METTL15: variants seen among roughly 807,000 people sequenced by gnomAD.
METTL15 encodes the protein methyltransferase 15, mitochondrial 12S rRNA N4-cytidine.
In METTL15, 34 loss-of-function variants were observed where a neutral mutation model predicts 38.3. The ratio of observed to expected loss-of-function variants is 0.89; its 90% CI spans 0.68 to 1.18. The LOEUF is 1.18. METTL15 is among the 50% of genes most tolerant of loss of function. The pLI is 0.00. For synonymous variants in METTL15, 162 were observed against 170.9 expected, an observed-to-expected ratio of 0.95 and a Z score of 0.41; for missense variants, 438 against 498.4, an observed-to-expected ratio of 0.88 and a Z score of 1.15.
chr11:28,351,542 G>A (rs1470952434), intron 3 of METTL15, among the ~76,000 whole-genome samples: 1 of 152,198 alleles, frequency 6.6e-6, no homozygotes, highest in African/African-American at 2.4e-5. Flanking sequence ...AAGTCAATGA[G>A]TTAATTCATG....
intron 4 of METTL15, among the ~76,000 whole-genome samples, chr11:28,246,361 G>C (rs1854512657): frequency 6.6e-6 from 1 of 152,000 alleles, no homozygotes; most frequent in Admixed American, 6.6e-5. Flanking sequence ...TCAAGTGACT[G>C]CTCAAAATTG....
chr11:28,127,259 T>C (rs1852529568), intron 3 of METTL15, among the ~76,000 whole-genome samples: 1 of 152,084 alleles, frequency 6.6e-6, no homozygotes. Context: ...TGGAGAAGAA[T>C]GGGCAGATTT....
chr11:28,115,995 A>C (rs1851938264), intron 3 of METTL15, among the ~76,000 whole-genome samples: 1 of 151,604 alleles, frequency 6.6e-6, no homozygotes, highest in South Asian at 2.1e-4. Flanking sequence ...TTACCAGTGC[A>C]CCACAATCTC....
chr11:28,363,414 C>T (rs1419781723), intron 5 of METTL15, among the ~76,000 whole-genome samples: 1 of 152,120 alleles, frequency 6.6e-6, no homozygotes, highest in Non-Finnish European at 1.5e-5. Context: ...ATCCGTGATC[C>T]ACCCGCCTTG....
chr11:28,505,598 ATTGT>A (rs1193456110), intron 6 of METTL15, among the ~76,000 whole-genome samples: 5 of 152,170 alleles, frequency 3.3e-5, no homozygotes, highest in Admixed American at 1.3e-4. Context: ...CCTTTTGGTA[ATTGT>A]TTGTGTATGT....
At chr11:28,312,443 A>G (rs930457956) in intron 6 of METTL15, among the ~76,000 whole-genome samples, 2 of 152,194 alleles carry the variant, frequency 1.3e-5, no homozygotes, top group African/African-American at 4.8e-5. Flanking sequence ...TGTAGCTGTG[A>G]ATGATAATCT....
At chr11:28,283,873 T>A (rs1856152550) in intron 4 of METTL15, among the ~76,000 whole-genome samples, 1 of 151,740 alleles carries the variant, frequency 6.6e-6, no homozygotes, top group Non-Finnish European at 1.5e-5. Flanking sequence ...ACTTGTAAAA[T>A]GCACATGCAA....
intron 6 of METTL15, among the ~76,000 whole-genome samples, chr11:28,311,919 A>T (rs186237358): frequency 6.1e-4 from 93 of 152,350 alleles, no homozygotes; most frequent in African/African-American, 2.2e-3. Flanking sequence ...CTTTGAAGGG[A>T]TGGCTAAGAT....
intron 4 of METTL15, among the ~76,000 whole-genome samples, chr11:28,356,488 A>C (rs957867622): frequency 6.6e-6 from 1 of 152,192 alleles, no homozygotes; most frequent in Non-Finnish European, 1.5e-5. Flanking sequence ...TTGTTCAAGC[A>C]TATTTATATG....
intron 6 of METTL15, among the ~76,000 whole-genome samples, chr11:28,438,744 G>A (rs376298801): frequency 9.7e-4 from 139 of 143,032 alleles, no homozygotes; most frequent in East Asian, 8.0e-3. Flanking sequence ...GCACGAACTC[G>A]GCTCACTGCA....
rs555491741 is a variant in METTL15, at chr11:28,422,185, G to T, written c.*359-2114G>T. 1.1e-4 allele frequency among the ~76,000 whole-genome samples: 17 copies of T among 151,852 alleles called. No homozygotes were observed. In the South Asian group the frequency reaches 2.5e-3, roughly 22 times the overall value. On this transcript the variant is annotated intron_variant and NMD_transcript_variant, in intron 5 of 7. Transcript: ENST00000532947. ...CTATAAAACATTGATAAAAGAAATG[G>T]AAGGGGATACAAAAAATGGAAGCTA...
intron 6 of METTL15, among the ~76,000 whole-genome samples, chr11:28,448,021 C>T (rs907207717): frequency 1.3e-5 from 2 of 151,940 alleles, no homozygotes; most frequent in African/African-American, 4.9e-5. Flanking sequence ...GTCCCCATGC[C>T]CCTTTCTGCT....
intron 3 of METTL15, among the ~76,000 whole-genome samples, chr11:28,115,477 C>G (rs754661962): frequency 6.6e-6 from 1 of 151,886 alleles, no homozygotes; most frequent in African/African-American, 2.4e-5. Flanking sequence ...AGGCTGGTCT[C>G]GAACTCCTGA....
intron 3 of METTL15, among the ~76,000 whole-genome samples, chr11:28,136,630 A>G (rs1253123474): frequency 1.3e-5 from 2 of 152,196 alleles, no homozygotes; most frequent in Non-Finnish European, 2.9e-5. Flanking sequence ...AACACATATT[A>G]ATATTATTCA....
intron 6 of METTL15, among the ~76,000 whole-genome samples, chr11:28,520,046 A>G (rs1851752477): frequency 6.6e-6 from 1 of 152,230 alleles, no homozygotes; most frequent in Admixed American, 6.5e-5. Flanking sequence ...AGTCACATAA[A>G]GAAGTCTTCT....
chr11:28,368,044 C>G (rs1318585056), intron 5 of METTL15, among the ~76,000 whole-genome samples: 5 of 141,486 alleles, frequency 3.5e-5, no homozygotes, highest in Middle Eastern at 3.7e-3. Flanking sequence ...GCAAAGATTT[C>G]ATGTCTAAAA....
At chr11:28,205,376 A>G (rs1376622268) in intron 3 of METTL15, among the ~76,000 whole-genome samples, 1 of 151,246 alleles carries the variant, frequency 6.6e-6, no homozygotes, top group Non-Finnish European at 1.5e-5. Flanking sequence ...TTGTTCTTGC[A>G]ATAGTTTACT....
intron 6 of METTL15, among the ~76,000 whole-genome samples, chr11:28,469,640 C>A (rs1016113188): frequency 2.0e-5 from 3 of 152,068 alleles, no homozygotes; most frequent in Non-Finnish European, 2.9e-5. Flanking sequence ...ACAACCTCTT[C>A]ATTATTATAA....
At chr11:28,335,035 C>A (rs946554992), downstream of METTL15, among the ~76,000 whole-genome samples, 1 of 152,082 alleles carries the variant, frequency 6.6e-6, no homozygotes, top group African/African-American at 2.4e-5. Context: ...TTAAATATAT[C>A]ATTGCTCAAA....
Sources: gnomAD v4.1 joint callset for allele counts (sites outside exome capture counted in the v4.1 genomes callset) on GRCh38, gnomAD v4.1.1 for gene constraint, MANE v1.5 for transcripts, NCBI Gene and HGNC (gene_info 2026-07-23, HGNC 2026-07-21) for gene names.